CDH12: variants seen among roughly 807,000 people sequenced by gnomAD.
CDH12 encodes the protein cadherin-12.
A neutral mutation model predicts 74.1 loss-of-function variants in CDH12; 41 were observed. The observed-to-expected ratio is 0.55, with a 90% CI of 0.43 to 0.72. CDH12 has a LOEUF of 0.72. Ranked by LOEUF, CDH12 falls within the 30% of genes least tolerant of loss-of-function variation. CDH12 has a pLI of 0.00. For synonymous variants in CDH12, 399 were observed against 355.0 expected, an observed-to-expected ratio of 1.12 and a Z score of -1.39; for missense variants, 945 against 977.2, an observed-to-expected ratio of 0.97 and a Z score of 0.44.
chr5:21,953,193 A>T (rs1474069143), intron 6 of CDH12, among the ~76,000 whole-genome samples: 6 of 152,008 alleles, frequency 3.9e-5, no homozygotes, highest in Non-Finnish European at 5.9e-5. Context: ...CCCCACTCTT[A>T]TCTGAACTCA....
At chr5:22,469,726 C>A (rs1420094380) in intron 2 of CDH12, among the ~76,000 whole-genome samples, 1 of 152,096 alleles carries the variant, frequency 6.6e-6, no homozygotes, top group African/African-American at 2.4e-5. Context: ...ATTCTCCTGT[C>A]ATATTTTTTC....
At chr5:22,724,681 C>A (rs535575414) in intron 1 of CDH12, among the ~76,000 whole-genome samples, 1 of 151,736 alleles carries the variant, frequency 6.6e-6, no homozygotes, top group Non-Finnish European at 1.5e-5. Flanking sequence ...GTGAATTGTG[C>A]TGCTCTAAGC....
rs535707012 is a variant in CDH12, at chr5:22,075,461, T to TA, written c.231+2984dup. 1.5e-3 allele frequency among the ~76,000 whole-genome samples: 220 copies of TA among 148,462 alleles called. 1 individual carries two copies. The highest frequency in any genetic ancestry group is 3.4e-3 in the Middle Eastern group (1 of 290). On this transcript the variant is annotated intron_variant, in intron 5 of 14. Transcript: ENST00000382254. ...ATGTACCCTAAAACTTAAAGCATAA[T>TA]AAAAAAAAAACTTTATGATGACCCA...
At chr5:22,824,855 A>G (rs182390615) in intron 1 of CDH12, among the ~76,000 whole-genome samples, 154 of 151,930 alleles carry the variant, frequency 1.0e-3, no homozygotes, top group African/African-American at 3.6e-3. Context: ...ATCCAAAATT[A>G]ATATATATGT....
At chr5:22,262,262 TC>T (rs1486592053) in intron 3 of CDH12, among the ~76,000 whole-genome samples, 3 of 91,364 alleles carry the variant, frequency 3.3e-5, no homozygotes, top group Non-Finnish European at 6.2e-5. Flanking sequence ...ATGCTATCCC[TC>T]CCCCCTCCCC....
At chr5:22,479,426 A>G (rs1246599270) in intron 2 of CDH12, among the ~76,000 whole-genome samples, 8 of 152,232 alleles carry the variant, frequency 5.3e-5, no homozygotes, top group Admixed American at 5.2e-4. Context: ...AATATAGCAC[A>G]GAAGTTAGAC....
chr5:22,535,923 T>G (rs543453962), intron 1 of CDH12, among the ~76,000 whole-genome samples: 1 of 152,326 alleles, frequency 6.6e-6, no homozygotes, highest in African/African-American at 2.4e-5. Context: ...ACATACAGAC[T>G]TTTTTCTTGT....
intron 6 of CDH12, among the ~76,000 whole-genome samples, chr5:21,965,354 C>T (rs1190520209): frequency 1.3e-5 from 2 of 152,026 alleles, no homozygotes; most frequent in African/African-American, 4.8e-5. Flanking sequence ...ATTCCGGCTG[C>T]CACCAATTGC....
At position 22,570,035 on chromosome 5, in the gene CDH12, T is replaced by TTTTATTTA. The variant is rs59201709; in HGVS notation, c.-522-64679_-522-64672dup. The stretch of plus-strand genomic sequence containing the variant: ...GTATAATCTTATGAAATGTATTTCG[T>TTTTATTTA]TTTATTTATTTATTTATTTATTTAT... On this transcript the variant is annotated intron_variant, in intron 1 of 14. Transcript: ENST00000382254. Among the ~76,000 whole-genome samples, 797 of 149,982 alleles carry TTTTATTTA rather than the reference T, an allele frequency of 5.3e-3. 6 individuals carry two copies. The highest frequency in any genetic ancestry group is 0.011 in the East Asian group (55 of 5,036).
intron 3 of CDH12, among the ~76,000 whole-genome samples, chr5:22,312,412 C>A (rs940520497): frequency 6.6e-6 from 1 of 151,748 alleles, no homozygotes; most frequent in South Asian, 2.1e-4. Context: ...GTAAATATAC[C>A]CTTTTGGCTT....
intron 5 of CDH12, among the ~76,000 whole-genome samples, chr5:22,014,443 G>C (rs532355654): frequency 6.6e-6 from 1 of 151,860 alleles, no homozygotes; most frequent in East Asian, 1.9e-4. Context: ...ATACTCATAC[G>C]CATAACTCAG....
intron 4 of CDH12, among the ~76,000 whole-genome samples, chr5:22,207,503 C>T (rs907706374): frequency 5.9e-5 from 9 of 152,144 alleles, no homozygotes; most frequent in Admixed American, 4.6e-4. Flanking sequence ...AAACAAATCA[C>T]GGGCTATTTT....
intron 5 of CDH12, among the ~76,000 whole-genome samples, chr5:22,043,693 C>A (rs1446743406): frequency 4.7e-5 from 7 of 148,286 alleles, no homozygotes; most frequent in African/African-American, 7.5e-5. Flanking sequence ...TAGAAAATCC[C>A]AAAAACTCTA....
At chr5:22,215,709 T>C (rs1339792374) in intron 3 of CDH12, among the ~76,000 whole-genome samples, 2 of 152,166 alleles carry the variant, frequency 1.3e-5, no homozygotes, top group South Asian at 2.1e-4. Context: ...AGTGGCATAA[T>C]GTAATAGCAA....
intron 14 of CDH12, among the ~76,000 whole-genome samples, chr5:21,752,973 T>C (rs1236132025): frequency 3.3e-5 from 5 of 152,152 alleles, no homozygotes; most frequent in Non-Finnish European, 7.4e-5. Flanking sequence ...TATTTTAAAA[T>C]TGTTAATTTA....
At chr5:21,933,365 TAC>T (rs1475596232) in intron 6 of CDH12, among the ~76,000 whole-genome samples, 2 of 152,156 alleles carry the variant, frequency 1.3e-5, no homozygotes, top group Non-Finnish European at 2.9e-5. Context: ...GGGCCTCAAA[TAC>T]AGTGTTCTAA....
At chr5:22,118,983 G>T (rs1334471933) in intron 4 of CDH12, among the ~76,000 whole-genome samples, 1 of 152,130 alleles carries the variant, frequency 6.6e-6, no homozygotes, top group East Asian at 1.9e-4. Context: ...AGTATTGACA[G>T]TGAAGATGAT....
At chr5:22,491,128 G>T (rs1746844135) in intron 2 of CDH12, among the ~76,000 whole-genome samples, 1 of 152,084 alleles carries the variant, frequency 6.6e-6, no homozygotes, top group Non-Finnish European at 1.5e-5. Context: ...AGTTTTTAAT[G>T]CTTCCTCCCC....
At chr5:22,548,980 T>C (rs1223525148) in intron 1 of CDH12, among the ~76,000 whole-genome samples, 1 of 152,034 alleles carries the variant, frequency 6.6e-6, no homozygotes, top group Non-Finnish European at 1.5e-5. Context: ...CGCTCTCTCA[T>C]TTAGGCTGGA....
Sources: allele counts gnomAD v4.1 joint callset (sites outside exome capture counted in the v4.1 genomes callset), GRCh38; gene constraint gnomAD v4.1.1; transcripts MANE v1.5; gene names NCBI Gene and HGNC (gene_info 2026-07-23, HGNC 2026-07-21).